The following COL23A1 variants were observed in gnomAD, a reference collection of about 807,000 sequenced individuals.
The protein encoded by COL23A1 is collagen alpha-1(XXIII) chain.
A neutral mutation model predicts 99.3 loss-of-function variants in COL23A1; 97 were observed. That is an observed-to-expected ratio of 0.98 (90% CI 0.83 to 1.16). The LOEUF is 1.16. Among genes scored for constraint, COL23A1 ranks in the 50% most tolerant of loss-of-function variants. The pLI is 0.00. For synonymous variants in COL23A1, 320 were observed against 308.2 expected (o/e 1.04, Z -0.40); for missense variants, 762 against 757.4 (o/e 1.01, Z -0.07).
At chr5:178,569,117 T>C (rs1762968305) in intron 1 of COL23A1, among the ~76,000 whole-genome samples, 1 of 152,212 alleles carries the variant, frequency 6.6e-6, no homozygotes, top group African/African-American at 2.4e-5. Flanking sequence ...TATATCATTG[T>C]GGGTTTGATT....
intron 2 of COL23A1, among the ~76,000 whole-genome samples, chr5:178,491,858 C>T (rs894935578): frequency 3.6e-4 from 55 of 152,238 alleles, no homozygotes; most frequent in African/African-American, 1.0e-3. Flanking sequence ...CCTCAGCCTC[C>T]GGAGTAGCTG....
intron 2 of COL23A1, among the ~76,000 whole-genome samples, chr5:178,347,579 A>G (rs1761047527): frequency 6.6e-6 from 1 of 151,794 alleles, no homozygotes; most frequent in South Asian, 2.1e-4. Flanking sequence ...GTTGTGTTAT[A>G]TCTCTATTAA....
intron 2 of COL23A1, among the ~76,000 whole-genome samples, chr5:178,360,351 C>T (rs1180981464): frequency 2.0e-5 from 3 of 152,222 alleles, no homozygotes; most frequent in Non-Finnish European, 4.4e-5. Context: ...ATTGCAAAAT[C>T]TTTTCCCAGC....
At chr5:178,359,497 T>C (rs1179135269) in intron 2 of COL23A1, among the ~76,000 whole-genome samples, 8 of 152,180 alleles carry the variant, frequency 5.3e-5, no homozygotes, top group Admixed American at 6.5e-5. Flanking sequence ...CACTGCACTC[T>C]AGCCTGGGTG....
intron 2 of COL23A1, among the ~76,000 whole-genome samples, chr5:178,539,468 C>T (rs1761160440): frequency 7.0e-6 from 1 of 143,836 alleles, no homozygotes; most frequent in Non-Finnish European, 1.5e-5. Context: ...ATCACTTGAA[C>T]CCGGGAGGCG....
chr5:178,532,645 T>G (rs1398766423), intron 2 of COL23A1, among the ~76,000 whole-genome samples: 1 of 152,204 alleles, frequency 6.6e-6, no homozygotes, highest in East Asian at 1.9e-4. Context: ...GCACCGTGAC[T>G]GGGTGTTGTG....
At chr5:178,374,813 G>C (rs1762985266) in intron 2 of COL23A1, among the ~76,000 whole-genome samples, 4 of 152,174 alleles carry the variant, frequency 2.6e-5, no homozygotes, top group Admixed American at 2.6e-4. Context: ...CAGTCTGGCA[G>C]CTTAATCAAA....
rs926932653 is a variant in COL23A1 at position 178,307,641 on chromosome 5, G to A, written c.362-722C>T. ...CCAGAGTAACCTCAGCGCTGAAGGAGACGCTTTGACTCTGGCCGTGGGAGC... is the reference window on the plus strand; with the variant it reads ...CCAGAGTAACCTCAGCGCTGAAGGAAACGCTTTGACTCTGGCCGTGGGAGC... On this transcript the variant is annotated intron_variant, in intron 2 of 28. Transcript: ENST00000390654. The surrounding 1 kb of genome is among the most constrained non-coding windows in gnomAD (Gnocchi z 4.2). Among the ~76,000 whole-genome samples the A allele has an allele frequency of 1.4e-4, 21 of 152,240 alleles. No homozygotes were observed. Among genetic ancestry groups the A allele is most frequent in the African/African-American group, 5.1e-4 (21 of 41,458 alleles).
intron 2 of COL23A1, among the ~76,000 whole-genome samples, chr5:178,527,393 T>G (rs116719732): frequency 5.3e-5 from 8 of 151,932 alleles, no homozygotes; most frequent in African/African-American, 1.9e-4. Flanking sequence ...CATCTGTCTG[T>G]CCTGAGATCA....
intron 2 of COL23A1, among the ~76,000 whole-genome samples, chr5:178,382,420 C>T (rs1385060918): frequency 6.7e-6 from 1 of 149,930 alleles, no homozygotes; most frequent in East Asian, 1.9e-4. Flanking sequence ...AACGCCCCTT[C>T]GCCCTCCTCC....
chr5:178,465,813 T>C (rs1756386457), intron 2 of COL23A1, among the ~76,000 whole-genome samples: 1 of 152,226 alleles, frequency 6.6e-6, no homozygotes, highest in African/African-American at 2.4e-5. Flanking sequence ...CAGTGAGTCC[T>C]CTGAGGGACT....
At chr5:178,514,925 G>C (rs1759419513) in intron 2 of COL23A1, among the ~76,000 whole-genome samples, 1 of 152,240 alleles carries the variant, frequency 6.6e-6, no homozygotes, top group Non-Finnish European at 1.5e-5. Flanking sequence ...GCTCAGTAAA[G>C]GGACCAAGTC....
chr5:178,275,239 A>G (rs578000028), intron 5 of COL23A1, among the ~76,000 whole-genome samples: 56 of 152,342 alleles, frequency 3.7e-4, no homozygotes, highest in African/African-American at 1.3e-3. Flanking sequence ...TCCCAGACCA[A>G]TGCAAGATGC....
Position 178,516,920 on chromosome 5 carries a change from C to T in COL23A1, c.361+43762G>A, listed in dbSNP as rs1004511743. Among the ~76,000 whole-genome samples, 4 of 152,158 alleles carry T rather than the reference C, an allele frequency of 2.6e-5. No individual in the cohort carries two copies. In the East Asian group the frequency reaches 5.8e-4, roughly 22 times the overall value. The stretch of plus-strand genomic sequence containing the variant: ...GTGTGCGACCAGTAGCTGGTGGGAG[C>T]GGGCTTCCTGCGCAGAAAGCTGCAA... On this transcript the variant is annotated intron_variant, in intron 2 of 28. Coordinates refer to ENST00000390654, the MANE Select transcript of COL23A1 (RefSeq NM_173465.4).
chr5:178,454,775 G>A (rs546301979), intron 2 of COL23A1, among the ~76,000 whole-genome samples: 2 of 152,350 alleles, frequency 1.3e-5, no homozygotes, highest in African/African-American at 4.8e-5. Context: ...GTGCAGGCGT[G>A]TTCATTAATC....
intron 2 of COL23A1, among the ~76,000 whole-genome samples, chr5:178,417,406 T>A (rs1273701306): frequency 6.6e-6 from 1 of 152,156 alleles, no homozygotes; most frequent in Non-Finnish European, 1.5e-5. Context: ...CTCGCCAGTA[T>A]TTTTACAGGT....
chr5:178,279,253 A>C (rs184728941), intron 5 of COL23A1, among the ~76,000 whole-genome samples: 45 of 152,254 alleles, frequency 3.0e-4, no homozygotes, highest in African/African-American at 1.1e-3. Context: ...TCTTCTGAGG[A>C]GCCTTCTTCA....
intron 3 of COL23A1, among the ~76,000 whole-genome samples, chr5:178,294,972 T>C (rs1481862306): frequency 6.6e-6 from 1 of 152,162 alleles, no homozygotes; most frequent in Non-Finnish European, 1.5e-5. Context: ...TGAAACCCTG[T>C]CTTTATTAAA....
At chr5:178,538,407 A>G (rs923340265) in intron 2 of COL23A1, among the ~76,000 whole-genome samples, 1 of 152,252 alleles carries the variant, frequency 6.6e-6, no homozygotes, top group Admixed American at 6.5e-5. Flanking sequence ...CCAAAAACAT[A>G]AAAGTACTTG....
Sources: gnomAD v4.1 joint callset for allele counts (sites outside exome capture counted in the v4.1 genomes callset) on GRCh38, gnomAD v4.1.1 for gene constraint, Gnocchi (gnomAD v3.1) non-coding constraint, MANE v1.5 for transcripts, NCBI Gene and HGNC (gene_info 2026-07-23, HGNC 2026-07-21) for gene names.